The following VTI1A variants were observed in gnomAD, a reference collection of about 807,000 sequenced individuals.
VTI1A encodes vesicle transport through interaction with t-SNAREs 1A.
VTI1A carries 22 observed loss-of-function variants against 34.9 expected under a neutral mutation model. The observed-to-expected ratio is 0.63, with a 90% CI of 0.45 to 0.90. The LOEUF is 0.90. VTI1A is among the 40% of genes least tolerant of loss of function. The pLI, the probability that VTI1A is intolerant of heterozygous loss-of-function variation, is 0.00. For synonymous variants in VTI1A, 87 were observed against 97.3 expected (o/e 0.89, Z 0.62); for missense variants, 268 against 275.6 (o/e 0.97, Z 0.20).
In VTI1A at chr10:112,789,721, C is replaced by A. The variant is rs550551416; in HGVS notation, c.561-25569C>A. On this transcript the variant is annotated intron_variant, in intron 7 of 7. Transcript: ENST00000393077. Reference sequence around the variant, plus strand: ...TACTGTATATTCAACTGTAGAATTTCCGTTTGGCTCTTTTTTATAATTTCT... The same window carrying A: ...TACTGTATATTCAACTGTAGAATTTACGTTTGGCTCTTTTTTATAATTTCT... Among the ~76,000 whole-genome samples, 5 of 152,072 alleles carry A rather than the reference C, an allele frequency of 3.3e-5. No individual in the cohort carries two copies. The East Asian group carries it at 9.6e-4, about 29-fold the overall frequency.
At chr10:112,792,684 T>C (rs1209802880) in intron 7 of VTI1A, among the ~76,000 whole-genome samples, 1 of 152,208 alleles carries the variant, frequency 6.6e-6, no homozygotes, top group East Asian at 1.9e-4. Flanking sequence ...GAAGTGGTAT[T>C]GCCAGCCCGT....
chr10:112,645,225 G>A (rs986694885), intron 5 of VTI1A, among the ~76,000 whole-genome samples: 11 of 152,152 alleles, frequency 7.2e-5, no homozygotes, highest in African/African-American at 2.4e-4. Context: ...TATGTACCCA[G>A]CTTAAATTTT....
chr10:112,603,705 CCAAGA>C (rs1844965974), intron 5 of VTI1A, among the ~76,000 whole-genome samples: 1 of 152,042 alleles, frequency 6.6e-6, no homozygotes, highest in Admixed American at 6.6e-5. Context: ...GCATTACATC[CCAAGA>C]CCAGCTCAAT....
chr10:112,806,215 G>A (rs916023792), intron 7 of VTI1A, among the ~76,000 whole-genome samples: 1 of 152,170 alleles, frequency 6.6e-6, no homozygotes, highest in Non-Finnish European at 1.5e-5. Flanking sequence ...GTTAGCCAGT[G>A]GGGGCTACTA....
intron 5 of VTI1A, among the ~76,000 whole-genome samples, chr10:112,622,401 C>T (rs1845766915): frequency 1.3e-5 from 2 of 149,436 alleles, no homozygotes; most frequent in Admixed American, 1.3e-4. Flanking sequence ...TTAATGCAGA[C>T]CAAGAGTGCT....
intron 5 of VTI1A, among the ~76,000 whole-genome samples, chr10:112,630,365 G>A (rs1846083120): frequency 6.6e-6 from 1 of 152,142 alleles, no homozygotes; most frequent in African/African-American, 2.4e-5. Context: ...CCAGCCCTCT[G>A]AGGAAATTTT....
At chr10:112,494,652 G>A (rs1444263305) in intron 3 of VTI1A, among the ~76,000 whole-genome samples, 2 of 152,112 alleles carry the variant, frequency 1.3e-5, no homozygotes, top group East Asian at 3.8e-4. Context: ...GGGATTACAG[G>A]TGCATGCCAC....
intron 3 of VTI1A, among the ~76,000 whole-genome samples, chr10:112,517,442 T>C (rs544123655): frequency 6.6e-6 from 1 of 152,190 alleles, no homozygotes; most frequent in East Asian, 1.9e-4. Context: ...TGCAATAGAA[T>C]GCCAAATAAT....
intron 7 of VTI1A, among the ~76,000 whole-genome samples, chr10:112,758,678 C>T (rs1851364347): frequency 6.6e-6 from 1 of 152,216 alleles, no homozygotes; most frequent in Non-Finnish European, 1.5e-5. Flanking sequence ...TGGGCCATTC[C>T]CCTTGCTTAC....
intron 3 of VTI1A, among the ~76,000 whole-genome samples, chr10:112,510,253 A>C (rs1466473287): frequency 6.6e-6 from 1 of 152,210 alleles, no homozygotes; most frequent in East Asian, 1.9e-4. Context: ...AAGTTCCTCT[A>C]GGCATTTTTG....
chr10:112,580,537 G>T (rs186425395), intron 5 of VTI1A, among the ~76,000 whole-genome samples: 1 of 152,290 alleles, frequency 6.6e-6, no homozygotes, highest in Non-Finnish European at 1.5e-5. Context: ...GTTCTCCCCA[G>T]GATTGCTTGG....
At chr10:112,740,366 T>G (rs1026104475) in intron 7 of VTI1A, among the ~76,000 whole-genome samples, 11 of 152,198 alleles carry the variant, frequency 7.2e-5, no homozygotes, top group African/African-American at 2.7e-4. Context: ...CTCGGCACAC[T>G]GCAACCTCCG....
At chr10:112,721,946 G>A (rs1849822975) in intron 7 of VTI1A, among the ~76,000 whole-genome samples, 2 of 152,156 alleles carry the variant, frequency 1.3e-5, no homozygotes, top group Non-Finnish European at 2.9e-5. Flanking sequence ...GAGTGTGTTT[G>A]TGGTGCTGAG....
chr10:112,484,414 G>T (rs1186130264), intron 3 of VTI1A, among the ~76,000 whole-genome samples: 1 of 152,166 alleles, frequency 6.6e-6, no homozygotes, highest in Non-Finnish European at 1.5e-5. Context: ...AACTTAATCT[G>T]TTAGGCTCAT....
chr10:112,620,437 G>T (rs1036172159), intron 5 of VTI1A, among the ~76,000 whole-genome samples: 1 of 152,176 alleles, frequency 6.6e-6, no homozygotes, highest in African/African-American at 2.4e-5. Context: ...AAGAGAGGAA[G>T]AAACAGATTC....
At chr10:112,801,975 T>G (rs1852892836) in intron 7 of VTI1A, among the ~76,000 whole-genome samples, 1 of 152,228 alleles carries the variant, frequency 6.6e-6, no homozygotes, top group Admixed American at 6.5e-5. Flanking sequence ...CAGCTGGGTG[T>G]GGTGGCTCAC....
At chr10:112,745,768 A>G (rs1305179426) in intron 7 of VTI1A, among the ~76,000 whole-genome samples, 1 of 152,184 alleles carries the variant, frequency 6.6e-6, no homozygotes, top group Non-Finnish European at 1.5e-5. Context: ...TGGCCAAGTG[A>G]ACATATTGCT....
At chr10:112,843,222 T>C in the VTI1A span, among the ~76,000 whole-genome samples, 1 of 152,232 alleles carries the variant, frequency 6.6e-6, no homozygotes, top group Non-Finnish European at 1.5e-5. Context: ...AAAGGGATTC[T>C]GGGAAATGCA....
chr10:112,764,999 C>T (rs1851598284), intron 7 of VTI1A, among the ~76,000 whole-genome samples: 1 of 152,196 alleles, frequency 6.6e-6, no homozygotes, highest in Admixed American at 6.5e-5. Context: ...AAAAGCTACT[C>T]AAACCCACAT....
Sources: gnomAD v4.1 joint callset for allele counts (sites outside exome capture counted in the v4.1 genomes callset) on GRCh38, gnomAD v4.1.1 for gene constraint, MANE v1.5 for transcripts, NCBI Gene and HGNC (gene_info 2026-07-23, HGNC 2026-07-21) for gene names.